Variants in SRPK2 observed in about 807,000 individuals in gnomAD.
SRPK2 encodes SFRS protein kinase 2.
Under a neutral mutation model 90.8 loss-of-function variants are expected in SRPK2, and 21 were observed. That is an observed-to-expected ratio of 0.23 (90% confidence interval 0.16 to 0.33). SRPK2 has a LOEUF of 0.33. Among genes scored for constraint, SRPK2 ranks in the 10% least tolerant of loss-of-function variants. The probability of loss-of-function intolerance (pLI) is 1.00; values close to 1 mark genes in which losing one functional copy is unlikely to be tolerated. For missense variants in SRPK2, 620 were observed against 869.0 expected, an observed-to-expected ratio of 0.71 and a Z score of 3.60; for synonymous variants, 288 against 311.1, an observed-to-expected ratio of 0.93 and a Z score of 0.78.
At chr7:105,145,347 A>G (rs1354360597) in intron 8 of SRPK2, 39 bp from the exon 9 acceptor site, 2 of 1,510,532 alleles carry the variant, frequency 1.3e-6, no homozygotes, top group Non-Finnish European at 1.8e-6. Flanking sequence ...TTAGCAGAAA[A>G]CAGACACATG....
intron 2 of SRPK2, among the ~76,000 whole-genome samples, chr7:105,343,832 G>T (rs961545166): frequency 1.3e-5 from 2 of 151,888 alleles, no homozygotes; most frequent in Non-Finnish European, 2.9e-5. Context: ...GTGCCATCTT[G>T]GCTCACTGAA....
At chr7:105,231,783 A>G (rs1398533007) in intron 2 of SRPK2, among the ~76,000 whole-genome samples, 1 of 152,092 alleles carries the variant, frequency 6.6e-6, no homozygotes, top group Non-Finnish European at 1.5e-5. Flanking sequence ...AATTTGTTTA[A>G]GTTCTTTATA....
upstream of SRPK2, among the ~76,000 whole-genome samples, chr7:105,390,700 A>C (rs1413151627): frequency 7.2e-6 from 1 of 138,486 alleles, no homozygotes; most frequent in Non-Finnish European, 1.5e-5. Context: ...TCATCCACCC[A>C]CCTCAACCTC....
At chr7:105,186,731 G>C (rs1009360989) in intron 3 of SRPK2, among the ~76,000 whole-genome samples, 1 of 152,196 alleles carries the variant, frequency 6.6e-6, no homozygotes, top group South Asian at 2.1e-4. Context: ...TATAGTGGAT[G>C]AGACTGTGTG....
intron 2 of SRPK2, among the ~76,000 whole-genome samples, chr7:105,360,556 G>A (rs138570317): frequency 0.011 from 1,660 of 152,198 alleles, 23 homozygotes; most frequent in African/African-American, 0.038. Context: ...CTCTTGTAAG[G>A]CAGGCCTGGT....
intron 2 of SRPK2, among the ~76,000 whole-genome samples, chr7:105,386,964 T>TCATC (rs1821689150): frequency 6.6e-6 from 1 of 152,178 alleles, no homozygotes; most frequent in African/African-American, 2.4e-5. Flanking sequence ...CACTAAGTCT[T>TCATC]CATCAACATA....
chr7:105,321,754 C>T (rs1179276632), intron 2 of SRPK2, among the ~76,000 whole-genome samples: 1 of 152,128 alleles, frequency 6.6e-6, no homozygotes, highest in Non-Finnish European at 1.5e-5. Context: ...TTCACACCCA[C>T]AAGGATGGCT....
intron 2 of SRPK2, chr7:105,297,604 G>T: frequency 1.9e-6 from 1 of 520,918 alleles, no homozygotes; most frequent in Non-Finnish European, 2.5e-6. Context: ...TACCTAAAAG[G>T]TCTTCCGAGA....
chr7:105,204,567 T>C lies in SRPK2; in HGVS notation c.72-782A>G, dbSNP rs1156862598. On this transcript the variant is annotated intron_variant, in intron 2 of 15. Coordinates refer to ENST00000393651, the MANE Select transcript of SRPK2 (RefSeq NM_182692.3). ...ACATCTCTCCCTTAAGCTATCCCAC[T>C]AATAAAACTACCACTGAATGCGTGC... The C allele has an allele frequency of 2.4e-5, 11 of 462,790 alleles. No homozygotes were observed. In the Admixed American group the frequency reaches 2.9e-4, roughly 12 times the overall value. 28.7% of individuals were successfully genotyped at this position (462,790 alleles called of 1,614,324 possible). A position where few individuals can be genotyped will look rare whatever the true frequency, so the allele number is the denominator to read the frequency against.
chr7:105,154,178 C>T (rs1353891757), intron 7 of SRPK2, among the ~76,000 whole-genome samples: 1 of 152,234 alleles, frequency 6.6e-6, no homozygotes, highest in African/African-American at 2.4e-5. Context: ...AGCTGTACTT[C>T]TGAATGTCAT....
intron 2 of SRPK2, among the ~76,000 whole-genome samples, chr7:105,275,201 T>C (rs1219797678): frequency 1.3e-5 from 2 of 152,170 alleles, no homozygotes; most frequent in Non-Finnish European, 1.5e-5. Context: ...TTGGCTTTCC[T>C]TGTGGAGAGC....
chr7:105,351,368 C>A (rs1817154275), intron 2 of SRPK2, among the ~76,000 whole-genome samples: 1 of 151,992 alleles, frequency 6.6e-6, no homozygotes, highest in African/African-American at 2.4e-5. Flanking sequence ...CAGGCCCACC[C>A]CTGGTTAAGG....
At chr7:105,247,316 G>A (rs970530780) in intron 2 of SRPK2, among the ~76,000 whole-genome samples, 1 of 152,090 alleles carries the variant, frequency 6.6e-6, no homozygotes, top group South Asian at 2.1e-4. Context: ...TCACTTTTTC[G>A]TCTGTAAAAT....
intron 2 of SRPK2, among the ~76,000 whole-genome samples, chr7:105,322,233 G>A (rs1339783200): frequency 6.6e-6 from 1 of 152,126 alleles, no homozygotes; most frequent in East Asian, 1.9e-4. Context: ...TGGCCAACAT[G>A]TTGTGGAATC....
chr7:105,205,834 G>T, intron 2 of SRPK2: 2 of 480,844 alleles, frequency 4.2e-6, no homozygotes, highest in Non-Finnish European at 8.3e-6. Context: ...GAATCAATTT[G>T]TCTGACACAT....
chr7:105,373,461 G>C (rs1344349007), intron 2 of SRPK2, among the ~76,000 whole-genome samples: 1 of 147,186 alleles, frequency 6.8e-6, no homozygotes, highest in Non-Finnish European at 1.5e-5. Flanking sequence ...GGAGTGCAGC[G>C]GCATGATCTT....
At chr7:105,257,517 G>A (rs2079340) in intron 2 of SRPK2, among the ~76,000 whole-genome samples, 65,831 of 152,010 alleles carry the variant, frequency 0.43, 15,633 homozygotes, top group South Asian at 0.53. Flanking sequence ...TTCCTTTTCC[G>A]AGGTTCTTTC....
chr7:105,340,466 C>A (rs1292706465), intron 2 of SRPK2, among the ~76,000 whole-genome samples: 1 of 146,582 alleles, frequency 6.8e-6, no homozygotes, highest in African/African-American at 2.5e-5. Flanking sequence ...AGTGGTGGTG[C>A]CATCACTGCT....
chr7:105,371,723 A>G (rs1253463242), intron 2 of SRPK2, among the ~76,000 whole-genome samples: 1 of 152,106 alleles, frequency 6.6e-6, no homozygotes, highest in Non-Finnish European at 1.5e-5. Context: ...TGTCTCAAAA[A>G]AAGAAAAAGA....
Sources: allele counts gnomAD v4.1 joint callset (sites outside exome capture counted in the v4.1 genomes callset), GRCh38; gene constraint gnomAD v4.1.1; transcripts MANE v1.5; gene names NCBI Gene and HGNC (gene_info 2026-07-23, HGNC 2026-07-21).